Variants in SVIL observed in about 807,000 individuals in gnomAD.
The protein encoded by SVIL is supervillin.
Under a neutral mutation model 240.4 loss-of-function variants are expected in SVIL, and 101 were observed. The ratio of observed to expected loss-of-function variants is 0.42; its 90% CI spans 0.36 to 0.50. The LOEUF is 0.50. Among genes scored for constraint, SVIL ranks in the 20% least tolerant of loss-of-function variants. The pLI is 0.01. For missense variants in SVIL, 2,512 were observed against 2,818.7 expected, an observed-to-expected ratio of 0.89 and a Z score of 2.46; for synonymous variants, 999 against 1,100.0, an observed-to-expected ratio of 0.91 and a Z score of 1.82.
At chr10:29,507,769 G>A (rs571083451) in intron 17 of SVIL, 1 of 985,360 alleles carries the variant, frequency 1.0e-6, no homozygotes, top group Non-Finnish European at 1.2e-6. Flanking sequence ...AGGTATTTAT[G>A]GGCAGCAGGA....
At chr10:29,595,352 C>A (rs1359199943) in intron 1 of SVIL, among the ~76,000 whole-genome samples, 2 of 152,108 alleles carry the variant, frequency 1.3e-5, no homozygotes, top group Admixed American at 1.3e-4. Context: ...GAGCCCCACC[C>A]GGCACCCTCA....
chr10:29,570,565 G>T (rs1955351689), intron 1 of SVIL, among the ~76,000 whole-genome samples: 1 of 152,190 alleles, frequency 6.6e-6, no homozygotes, highest in South Asian at 2.1e-4. Context: ...GTTCCAAACT[G>T]TCTCACATGA....
At chr10:29,497,752 C>T (rs1797354455) in intron 18 of SVIL, among the ~76,000 whole-genome samples, 1 of 152,102 alleles carries the variant, frequency 6.6e-6, no homozygotes, top group South Asian at 2.1e-4. Flanking sequence ...ACTTAGGGTA[C>T]ATGGTTGCCA....
chr10:29,707,643 T>A (rs907062313), intron 1 of SVIL, among the ~76,000 whole-genome samples: 2 of 152,138 alleles, frequency 1.3e-5, no homozygotes, highest in Non-Finnish European at 2.9e-5. Context: ...CCAAAGAAAT[T>A]ATATTTTACA....
At chr10:29,488,887 T>A (rs903506713) in intron 22 of SVIL, 131 bp from the exon 23 acceptor site, 5 of 1,025,268 alleles carry the variant, frequency 4.9e-6, no homozygotes, top group African/African-American at 3.3e-5. Context: ...GAAAACATAC[T>A]CAAGTTTGAT....
At chr10:29,527,077 G>A in intron 12 of SVIL, 21 bp from the exon 13 acceptor site, 1 of 1,599,262 alleles carries the variant, frequency 6.3e-7, no homozygotes, top group Non-Finnish European at 8.6e-7. Context: ...AATTGCCAAA[G>A]AGGAAACATT....
intron 1 of SVIL, among the ~76,000 whole-genome samples, chr10:29,588,033 A>T (rs188468466): frequency 0.02 from 2,973 of 152,134 alleles, 76 homozygotes; most frequent in African/African-American, 0.068. Context: ...CTGGTGATTA[A>T]TTGCAGCACA....
intron 6 of SVIL, 91 bp from the exon 7 acceptor site, chr10:29,536,160 T>C: frequency 2.5e-6 from 3 of 1,211,962 alleles, no homozygotes; most frequent in Non-Finnish European, 1.2e-6. Context: ...TAAAGGCTGA[T>C]TTTTATTAAG....
At chr10:29,653,079 T>G (rs1465427791) in intron 3 of SVIL, among the ~76,000 whole-genome samples, 1 of 151,702 alleles carries the variant, frequency 6.6e-6, no homozygotes, top group Admixed American at 6.6e-5. Flanking sequence ...AATCCTCTGC[T>G]TTGGCCTCCC....
chr10:29,540,169 TCCTAGGGCTCAA>T (rs1465042580), intron 6 of SVIL, among the ~76,000 whole-genome samples: 1 of 152,138 alleles, frequency 6.6e-6, no homozygotes, highest in African/African-American at 2.4e-5. Context: ...GTTCAAACCC[TCCTAGGGCTCAA>T]CATATCAAGT....
At chr10:29,709,328 GT>G (rs1963119995) in intron 1 of SVIL, among the ~76,000 whole-genome samples, 1 of 152,162 alleles carries the variant, frequency 6.6e-6, no homozygotes, top group Non-Finnish European at 1.5e-5. Context: ...CACTCAAAAA[GT>G]TTCGGATTTC....
chr10:29,462,372 A>G lies in SVIL; in HGVS notation c.6307T>C (p.Ser2103Pro). ...GKNLKKPAPK[S>P]YLIHAGLEPL... is the part of the protein sequence containing the mutation. ...TCCAGACCAGCGTGGATAAGGTAAG[A>G]CTTGGGGGCTGGTTTCTTGAGATTT... Residue 2103 changes from serine (S) to proline (P), a missense_variant, in exon 36 of 38, where the codon TCT becomes CCT. Physicochemically the swap from Ser to Pro is moderately conservative, Grantham distance 74 (BLOSUM62 -1). Coordinates refer to ENST00000355867, the MANE Select transcript of SVIL (RefSeq NM_021738.3). 3 of 1,614,124 alleles carry G rather than the reference A, an allele frequency of 1.9e-6. No homozygotes were observed. The South Asian group carries it at 3.3e-5, about 18-fold the overall frequency.
At chr10:29,608,603 T>C (rs779515785) in intron 1 of SVIL, among the ~76,000 whole-genome samples, 56 of 152,254 alleles carry the variant, frequency 3.7e-4, no homozygotes, top group Non-Finnish European at 6.9e-4. Flanking sequence ...TCTCTCCAAG[T>C]GCCCGCTCCA....
intron 16 of SVIL, 64 bp downstream of exon 16, chr10:29,522,346 T>C (rs1950611023): frequency 6.5e-7 from 1 of 1,537,158 alleles, no homozygotes; most frequent in Admixed American, 1.7e-5. Flanking sequence ...CGAGATTGTT[T>C]TCTAAAAGCA....
chr10:29,672,909 T>G (rs10763735), intron 2 of SVIL, among the ~76,000 whole-genome samples: 32,521 of 152,012 alleles, frequency 0.21, 3,858 homozygotes, highest in Middle Eastern at 0.33. Flanking sequence ...GTTTTTGTTT[T>G]GTTTTGTTGT....
At chr10:29,607,882 C>T (rs969846503) in intron 1 of SVIL, among the ~76,000 whole-genome samples, 2 of 152,080 alleles carry the variant, frequency 1.3e-5, no homozygotes, top group Non-Finnish European at 2.9e-5. Context: ...AACTGAGTTG[C>T]GAAAATCAAA....
intron 1 of SVIL, among the ~76,000 whole-genome samples, chr10:29,711,507 T>A (rs1442274871): frequency 6.6e-6 from 1 of 152,072 alleles, no homozygotes; most frequent in Non-Finnish European, 1.5e-5. Context: ...ACGCCTGTAA[T>A]CCCAGCACTT....
At position 29,631,643 on chromosome 10, in the gene SVIL, C is replaced by T. The variant is rs1020463412; in HGVS notation, c.-201+2777G>A. Among the ~76,000 whole-genome samples the T allele has an allele frequency of 5.9e-5, 9 of 152,136 alleles. No individual in the cohort carries two copies. In the South Asian group the frequency reaches 1.2e-3, roughly 21 times the overall value. ...TACAAGAATTAGCCGGGCGTGGTGG[C>T]GGACACCTGTAATCCCAGCTACTCA... On this transcript the variant is annotated intron_variant, in intron 1 of 37. Transcript: ENST00000355867.
intron 1 of SVIL, among the ~76,000 whole-genome samples, chr10:29,709,972 G>T (rs1028448462): frequency 2.0e-5 from 3 of 152,180 alleles, no homozygotes; most frequent in African/African-American, 4.8e-5. Flanking sequence ...AGATTTGGGG[G>T]TGCGCGAGAG....
Sources: allele counts gnomAD v4.1 joint callset (sites outside exome capture counted in the v4.1 genomes callset), GRCh38; gene constraint gnomAD v4.1.1; transcripts MANE v1.5; gene names NCBI Gene and HGNC (gene_info 2026-07-23, HGNC 2026-07-21).